Variants in FHIT observed in about 807,000 individuals in gnomAD.
The protein encoded by FHIT is bis(5'-adenosyl)-triphosphatase.
In FHIT, 19 loss-of-function variants were observed where a neutral mutation model predicts 17.9. The observed-to-expected ratio is 1.06, with a 90% CI of 0.74 to 1.56. The LOEUF (loss-of-function observed/expected upper bound fraction) is 1.56. Ranked by LOEUF, FHIT falls within the 40% of genes most tolerant of loss-of-function variation. The pLI is 0.00. For missense variants in FHIT, 248 were observed against 189.2 expected, an observed-to-expected ratio of 1.31 and a Z score of -1.82; for synonymous variants, 81 against 69.7, an observed-to-expected ratio of 1.16 and a Z score of -0.81.
chr3:60,110,653 T>A (rs551946137), intron 5 of FHIT, among the ~76,000 whole-genome samples: 80 of 152,272 alleles, frequency 5.3e-4, no homozygotes, highest in African/African-American at 1.9e-3. Flanking sequence ...TAACATGACT[T>A]CATAGAGGTG....
chr3:59,855,881 T>C (rs1332357912), intron 8 of FHIT, among the ~76,000 whole-genome samples: 6 of 151,728 alleles, frequency 4.0e-5, no homozygotes, highest in East Asian at 3.9e-4. Flanking sequence ...CCCGGGTTCA[T>C]GCCATTTTCC....
intron 3 of FHIT, among the ~76,000 whole-genome samples, chr3:60,849,364 A>G (rs1199514626): frequency 6.6e-6 from 1 of 151,404 alleles, no homozygotes; most frequent in African/African-American, 2.4e-5. Flanking sequence ...CAGACTGAAC[A>G]ATGAGACATC....
intron 8 of FHIT, among the ~76,000 whole-genome samples, chr3:59,863,204 G>T (rs1053327491): frequency 6.6e-6 from 1 of 152,186 alleles, no homozygotes; most frequent in Non-Finnish European, 1.5e-5. Context: ...CTCAGCCCCA[G>T]CCACTCTACG....
intron 5 of FHIT, among the ~76,000 whole-genome samples, chr3:60,190,396 A>G (rs536331069): frequency 1.5e-4 from 23 of 152,214 alleles, no homozygotes; most frequent in African/African-American, 4.6e-4. Context: ...AAGGTGGAAA[A>G]GAACAAAGGT....
intron 2 of FHIT, among the ~76,000 whole-genome samples, chr3:61,047,823 A>C (rs2033865170): frequency 6.8e-6 from 1 of 146,574 alleles, no homozygotes; most frequent in South Asian, 2.3e-4. Context: ...ATAATACCAC[A>C]CATCTACAAC....
At chr3:60,068,903 G>T (rs1000567636) in intron 5 of FHIT, among the ~76,000 whole-genome samples, 3 of 152,100 alleles carry the variant, frequency 2.0e-5, no homozygotes, top group Non-Finnish European at 4.4e-5. Context: ...TAAAACATAT[G>T]TACAAGGATG....
chr3:60,498,081 G>T (rs1185003941), intron 5 of FHIT, among the ~76,000 whole-genome samples: 1 of 152,180 alleles, frequency 6.6e-6, no homozygotes, highest in Non-Finnish European at 1.5e-5. Flanking sequence ...ATGTGGCTGT[G>T]TTCCAATAAA....
intron 8 of FHIT, among the ~76,000 whole-genome samples, chr3:59,791,078 T>C (rs533109266): frequency 6.6e-6 from 1 of 152,270 alleles, no homozygotes; most frequent in African/African-American, 2.4e-5. Context: ...CTGTTGTGTG[T>C]TGTTTCTTTT....
chr3:60,903,591 T>C lies in FHIT; in HGVS notation c.-110-81580A>G, dbSNP rs147318536. Among the ~76,000 whole-genome samples the C allele has an allele frequency of 4.6e-5, 7 of 152,344 alleles. No homozygotes were observed. The East Asian group carries it at 1.4e-3, about 29-fold the overall frequency. On this transcript the variant is annotated intron_variant, in intron 3 of 9. Transcript: ENST00000492590. ...TTAATTTAGCAACTACATTCCTTTA[T>C]ACATAATTGTGCCGAGTGCATCTAA...
At chr3:60,762,018 C>T (rs1343810657) in intron 4 of FHIT, among the ~76,000 whole-genome samples, 3 of 152,172 alleles carry the variant, frequency 2.0e-5, no homozygotes, top group Non-Finnish European at 4.4e-5. Flanking sequence ...GGGTTCAATT[C>T]ACATATCCAA....
rs1208505184 is a variant in FHIT, at chr3:60,186,553, T to C, written c.104-172401A>G. On this transcript the variant is annotated intron_variant, in intron 5 of 9. Coordinates refer to ENST00000492590, the MANE Select transcript of FHIT (RefSeq NM_002012.4). ...GCAGGGCAATGTCATCACTACTGTG[T>C]ATGTAGGTCAAACCAAGAATGTTAC... 2.6e-5 allele frequency among the ~76,000 whole-genome samples: 4 copies of C among 152,146 alleles called. No individual in the cohort carries two copies. The East Asian group carries it at 7.7e-4, about 29-fold the overall frequency.
intron 5 of FHIT, among the ~76,000 whole-genome samples, chr3:60,510,862 T>C (rs2034925672): frequency 6.6e-6 from 1 of 152,246 alleles, no homozygotes; most frequent in South Asian, 2.1e-4. Flanking sequence ...TTATGCACCA[T>C]ATAATGTAGT....
At chr3:60,692,619 G>C (rs1203012122) in intron 4 of FHIT, among the ~76,000 whole-genome samples, 3 of 152,176 alleles carry the variant, frequency 2.0e-5, no homozygotes, top group African/African-American at 4.8e-5. Context: ...TTTTCCCTTA[G>C]AGACCTCAGA....
chr3:60,575,281 G>A (rs80062631), intron 4 of FHIT, among the ~76,000 whole-genome samples: 5,694 of 152,212 alleles, frequency 0.037, 395 homozygotes, highest in African/African-American at 0.13. Context: ...ATGTCGGAAG[G>A]GATGTCTAGT....
At chr3:59,994,560 C>T (rs921800869) in intron 7 of FHIT, among the ~76,000 whole-genome samples, 4 of 152,102 alleles carry the variant, frequency 2.6e-5, no homozygotes, top group East Asian at 1.9e-4. Context: ...AGTTAAGGAA[C>T]GTACTTCCAC....
At chr3:60,341,243 T>C (rs948935915) in intron 5 of FHIT, among the ~76,000 whole-genome samples, 1 of 152,328 alleles carries the variant, frequency 6.6e-6, no homozygotes, top group South Asian at 2.1e-4. Context: ...GTTTGTAAGG[T>C]ATACCTATAT....
intron 4 of FHIT, among the ~76,000 whole-genome samples, chr3:60,541,257 T>C (rs1043603484): frequency 3.3e-5 from 5 of 152,238 alleles, no homozygotes; most frequent in South Asian, 2.1e-4. Flanking sequence ...CTTGGGATCA[T>C]ATAAAACAAG....
At chr3:60,663,836 C>G (rs547512337) in intron 4 of FHIT, among the ~76,000 whole-genome samples, 1 of 152,144 alleles carries the variant, frequency 6.6e-6, no homozygotes, top group Non-Finnish European at 1.5e-5. Flanking sequence ...TGTAAAAATA[C>G]GATTAACTGT....
intron 5 of FHIT, among the ~76,000 whole-genome samples, chr3:60,063,470 C>A (rs1018743342): frequency 3.3e-5 from 5 of 152,184 alleles, no homozygotes; most frequent in African/African-American, 1.2e-4. Flanking sequence ...ATGTTTACCA[C>A]AGCTCATCTG....
Sources: gnomAD v4.1 joint callset for allele counts (sites outside exome capture counted in the v4.1 genomes callset) on GRCh38, gnomAD v4.1.1 for gene constraint, MANE v1.5 for transcripts, NCBI Gene and HGNC (gene_info 2026-07-23, HGNC 2026-07-21) for gene names.